ARL15: variants seen among roughly 807,000 people sequenced by gnomAD.
ARL15 encodes the protein ARF like GTPase 15.
Under a neutral mutation model 25.2 loss-of-function variants are expected in ARL15, and 19 were observed. The observed-to-expected ratio is 0.75, with a 90% CI of 0.53 to 1.10. The LOEUF is 1.10. ARL15 is among the 50% of genes least tolerant of loss of function. The pLI, the probability that ARL15 is intolerant of heterozygous loss-of-function variation, is 0.00. For synonymous variants in ARL15, 94 were observed against 86.8 expected (o/e 1.08, Z -0.46); for missense variants, 220 against 246.0 (o/e 0.89, Z 0.71).
rs185211000 is a variant in ARL15 at position 54,190,322 on chromosome 5, G to A, written c.49-18394C>T. On this transcript the variant is annotated intron_variant, in intron 1 of 4. Transcript: ENST00000504924. Reference sequence around the variant, plus strand: ...GCAGAAGAATTGCTTGAACCCAGGAGGTGGAGGTTGCAGTGAGCCAAGATC... The same window carrying A: ...GCAGAAGAATTGCTTGAACCCAGGAAGTGGAGGTTGCAGTGAGCCAAGATC... 2.5e-3 allele frequency among the ~76,000 whole-genome samples: 381 copies of A among 152,044 alleles called. 4 individuals are homozygous for A. The highest frequency in any genetic ancestry group is 8.0e-3 in the African/African-American group (330 of 41,484).
chr5:54,087,334 AAAAG>A (rs1426288987), intron 4 of ARL15, among the ~76,000 whole-genome samples: 1 of 152,180 alleles, frequency 6.6e-6, no homozygotes, highest in Non-Finnish European at 1.5e-5. Flanking sequence ...TCTCAAAAAA[AAAAG>A]AGAGAACTCA....
Position 54,231,048 on chromosome 5 carries a change from C to T in ARL15, c.49-59120G>A, listed in dbSNP as rs576232774. On this transcript the variant is annotated intron_variant, in intron 1 of 4. Transcript: ENST00000504924. ...TCTCTGTTCCTCTTTCTCTCTCTCCCTCTTTCCCCTGCTCTTTCTGGTCTC... is the reference window on the plus strand; with the variant it reads ...TCTCTGTTCCTCTTTCTCTCTCTCCTTCTTTCCCCTGCTCTTTCTGGTCTC... Among the ~76,000 whole-genome samples the T allele has an allele frequency of 4.4e-4, 67 of 152,280 alleles. 1 individual carries two copies. The Middle Eastern group carries it at 0.027, about 62-fold the overall frequency.
chr5:54,271,545 T>C (rs893236304), intron 1 of ARL15, among the ~76,000 whole-genome samples: 11 of 152,186 alleles, frequency 7.2e-5, no homozygotes, highest in Non-Finnish European at 1.2e-4. Context: ...GAATGCAAAT[T>C]TGTTTTCAAA....
chr5:53,969,334 C>T (rs898236007), intron 4 of ARL15, among the ~76,000 whole-genome samples: 3 of 152,136 alleles, frequency 2.0e-5, no homozygotes, highest in Non-Finnish European at 4.4e-5. Flanking sequence ...GAAGATGGGG[C>T]CAAATAGTAT....
Position 54,204,503 on chromosome 5 carries a change from T to C in ARL15, c.49-32575A>G, listed in dbSNP as rs537078095. The stretch of plus-strand genomic sequence containing the variant: ...CTCATCTGTACCTATATTGCCTAAA[T>C]ATGAATCTCCATTATCCCCTTGGCA... On this transcript the variant is annotated intron_variant, in intron 1 of 4. Coordinates refer to ENST00000504924, the MANE Select transcript of ARL15 (RefSeq NM_019087.3). Among the ~76,000 whole-genome samples, 4 of 152,342 alleles carry C rather than the reference T, an allele frequency of 2.6e-5. No homozygotes were observed. In the East Asian group the frequency reaches 5.8e-4, roughly 22 times the overall value.
chr5:53,923,859 C>T lies in ARL15; in HGVS notation c.463-37146G>A, dbSNP rs1031282014. On this transcript the variant is annotated intron_variant, in intron 4 of 4. Transcript: ENST00000504924. Reference sequence around the variant, plus strand: ...CAGCCTGGGCAACAGAGCAAGACTCCGTCTCAAAAAAATAAAATAAAATAA... The same window carrying T: ...CAGCCTGGGCAACAGAGCAAGACTCTGTCTCAAAAAAATAAAATAAAATAA... Among the ~76,000 whole-genome samples, 10 of 150,806 alleles carry T rather than the reference C, an allele frequency of 6.6e-5. No homozygotes were observed. In the South Asian group the frequency reaches 1.7e-3, roughly 26 times the overall value.
intron 4 of ARL15, among the ~76,000 whole-genome samples, chr5:53,969,461 T>C (rs1440384494): frequency 6.6e-6 from 1 of 152,160 alleles, no homozygotes; most frequent in Non-Finnish European, 1.5e-5. Context: ...AGATGGATTC[T>C]CAAAAATTAA....
chr5:54,017,824 T>C (rs771723435), intron 4 of ARL15, among the ~76,000 whole-genome samples: 2 of 151,938 alleles, frequency 1.3e-5, no homozygotes, highest in South Asian at 2.1e-4. Context: ...ACTTAAGCAA[T>C]AGACAAAAGA....
At chr5:53,993,118 GA>G (rs11327249) in intron 4 of ARL15, among the ~76,000 whole-genome samples, 33,279 of 151,812 alleles carry the variant, frequency 0.22, 3,853 homozygotes, top group East Asian at 0.46. Flanking sequence ...ACTAATTTAG[GA>G]TGATGTTAAG....
At chr5:54,005,870 A>AAC (rs372791583) in intron 4 of ARL15, among the ~76,000 whole-genome samples, 188 of 80,266 alleles carry the variant, frequency 2.3e-3, no homozygotes, top group East Asian at 0.019. Context: ...TCAAAAAAAA[A>AAC]AAACCAAAAA....
chr5:53,953,336 A>G (rs1196294530), intron 4 of ARL15, among the ~76,000 whole-genome samples: 1 of 152,142 alleles, frequency 6.6e-6, no homozygotes, highest in Non-Finnish European at 1.5e-5. Flanking sequence ...CACTATGCAA[A>G]TGTGAGGGGT....
intron 1 of ARL15, among the ~76,000 whole-genome samples, chr5:54,298,431 T>A (rs1040336204): frequency 6.6e-6 from 1 of 152,138 alleles, no homozygotes; most frequent in Non-Finnish European, 1.5e-5. Context: ...TCTATCCTCC[T>A]CAGTTAAAAC....
At chr5:54,117,788 A>G (rs1355666986) in intron 3 of ARL15, among the ~76,000 whole-genome samples, 3 of 152,200 alleles carry the variant, frequency 2.0e-5, no homozygotes, top group Admixed American at 1.3e-4. Context: ...TTTCTCAAAA[A>G]TAGATGTGCA....
intron 4 of ARL15, among the ~76,000 whole-genome samples, chr5:54,023,952 C>T (rs144870063): frequency 6.6e-6 from 1 of 152,146 alleles, no homozygotes; most frequent in Non-Finnish European, 1.5e-5. Context: ...CCCTAAAAAT[C>T]ATTTACTACT....
At chr5:54,008,382 G>A (rs1327273765) in intron 4 of ARL15, among the ~76,000 whole-genome samples, 1 of 152,172 alleles carries the variant, frequency 6.6e-6, no homozygotes, top group African/African-American at 2.4e-5. Flanking sequence ...AAATGGTGCC[G>A]ATTGCTCAAA....
chr5:54,009,467 T>C (rs1037120982), intron 4 of ARL15, among the ~76,000 whole-genome samples: 2 of 152,218 alleles, frequency 1.3e-5, no homozygotes, highest in African/African-American at 4.8e-5. Context: ...CCACATTCCA[T>C]AGAAAGTAAT....
At chr5:54,006,183 T>C (rs1305560516) in intron 4 of ARL15, among the ~76,000 whole-genome samples, 4 of 152,102 alleles carry the variant, frequency 2.6e-5, no homozygotes, top group African/African-American at 9.7e-5. Context: ...GGTCTTAGTG[T>C]AAACACTGTC....
intron 4 of ARL15, among the ~76,000 whole-genome samples, chr5:54,050,204 A>G (rs1750663293): frequency 1.3e-5 from 2 of 152,190 alleles, no homozygotes; most frequent in South Asian, 4.1e-4. Flanking sequence ...CTGAAATCAT[A>G]GTCTGTTTAC....
Position 54,113,370 on chromosome 5 carries a change from T to A in ARL15, c.294A>T (p.Gln98His), listed in dbSNP as rs1467640062. 6.2e-7 allele frequency: 1 copy of A among 1,613,850 alleles called. No homozygotes were observed. Among genetic ancestry groups the A allele is most frequent in the East Asian group, 2.2e-5 (1 of 44,896 alleles). The change falls in exon 4 of 5, where the codon CAA becomes CAT. Residue 98 changes from glutamine (Q) to histidine (H), a missense_variant. Transcript: ENST00000504924. ...NIRKYWSRYY[Q>H]GSQGVIFVLD... ...ATACAAATATTACCCCTTGAGATCC[T>A]TGGTAGTAGCGGCTCCAGTATTTCC...
Sources: allele counts gnomAD v4.1 joint callset (sites outside exome capture counted in the v4.1 genomes callset), GRCh38; gene constraint gnomAD v4.1.1; transcripts MANE v1.5; gene names NCBI Gene and HGNC (gene_info 2026-07-23, HGNC 2026-07-21).